Variants in CPNE8 observed in about 807,000 individuals in gnomAD.
The protein encoded by CPNE8 is copine-8.
CPNE8 carries 45 observed loss-of-function variants against 81.5 expected under a neutral mutation model. The ratio of observed to expected loss-of-function variants is 0.55; its 90% CI spans 0.44 to 0.71. The LOEUF (loss-of-function observed/expected upper bound fraction) is 0.71, where lower values mean the gene tolerates loss of function less well. CPNE8 is among the 30% of genes least tolerant of loss of function. The probability of loss-of-function intolerance (pLI) is 0.00; values close to 1 mark genes in which losing one functional copy is unlikely to be tolerated. For synonymous variants in CPNE8, 252 were observed against 226.3 expected (o/e 1.11, Z -1.02); for missense variants, 594 against 672.1 (o/e 0.88, Z 1.28).
intron 7 of CPNE8, among the ~76,000 whole-genome samples, chr12:38,775,523 GA>G (rs1243884174): frequency 6.6e-6 from 1 of 152,104 alleles, no homozygotes; most frequent in Non-Finnish European, 1.5e-5. Context: ...AATTCCCAGA[GA>G]TCTGCTGGCC....
chr12:38,717,116 AT>A (rs1436075467), intron 13 of CPNE8, among the ~76,000 whole-genome samples: 1 of 152,062 alleles, frequency 6.6e-6, no homozygotes, highest in Non-Finnish European at 1.5e-5. Flanking sequence ...AAGAACAGCC[AT>A]AATTAAAAAG....
chr12:38,742,223 A>T (rs1272569897), intron 10 of CPNE8, among the ~76,000 whole-genome samples: 1 of 152,178 alleles, frequency 6.6e-6, no homozygotes, highest in Non-Finnish European at 1.5e-5. Context: ...ACACATGCAC[A>T]TACATGTATG....
intron 6 of CPNE8, among the ~76,000 whole-genome samples, chr12:38,782,660 A>G (rs1320206329): frequency 6.6e-6 from 1 of 151,800 alleles, no homozygotes; most frequent in African/African-American, 2.4e-5. Context: ...GGAGTTCTGA[A>G]CTACATTTTT....
chr12:38,792,832 CA>C (rs377677353), intron 6 of CPNE8, among the ~76,000 whole-genome samples: 36 of 151,916 alleles, frequency 2.4e-4, no homozygotes, highest in African/African-American at 7.9e-4. Context: ...CAAAAATCCT[CA>C]ACAAAATACT....
intron 10 of CPNE8, among the ~76,000 whole-genome samples, chr12:38,754,820 A>AAT (rs1376537095): frequency 6.6e-6 from 1 of 152,154 alleles, no homozygotes. Flanking sequence ...AGTCTGAAAG[A>AAT]AGTGATACGT....
chr12:38,776,808 T>C (rs1255092040), intron 6 of CPNE8, among the ~76,000 whole-genome samples: 1 of 152,112 alleles, frequency 6.6e-6, no homozygotes, highest in East Asian at 1.9e-4. Flanking sequence ...CTGAAAACTT[T>C]CTACTGCCTA....
intron 16 of CPNE8, among the ~76,000 whole-genome samples, chr12:38,683,994 T>A (rs941837455): frequency 2.0e-5 from 3 of 152,068 alleles, no homozygotes; most frequent in Non-Finnish European, 2.9e-5. Context: ...CCAGAAAAAA[T>A]TATGAAATTA....
At chr12:38,763,221 C>T (rs1941608844) in intron 8 of CPNE8, among the ~76,000 whole-genome samples, 1 of 152,162 alleles carries the variant, frequency 6.6e-6, no homozygotes, top group South Asian at 2.1e-4. Context: ...AGGAGCTGCC[C>T]TTGAGAGGCC....
chr12:38,685,365 C>T, intron 16 of CPNE8, 125 bp downstream of exon 16: 2 of 976,750 alleles, frequency 2.0e-6, no homozygotes, highest in Non-Finnish European at 3.0e-6. Context: ...ACATTTTTTC[C>T]CCACTTTCTT....
chr12:38,778,849 T>A (rs1941988020), intron 6 of CPNE8, among the ~76,000 whole-genome samples: 1 of 152,208 alleles, frequency 6.6e-6, no homozygotes, highest in Non-Finnish European at 1.5e-5. Context: ...AAGTATGTAA[T>A]ATACAGTCAT....
intron 13 of CPNE8, among the ~76,000 whole-genome samples, chr12:38,703,122 T>A (rs978102217): frequency 6.6e-6 from 1 of 152,184 alleles, no homozygotes; most frequent in African/African-American, 2.4e-5. Context: ...TATAGTTACA[T>A]ATATTTATAG....
At position 38,889,224 on chromosome 12, in the gene CPNE8, C is replaced by T. The variant is rs141629048; in HGVS notation, c.99-14713G>A. Reference sequence around the variant, plus strand: ...TCCATTAAGGAGACAGATTTATAAACAAATATGTGCAGTGAAATGTGGAAT... The same window carrying T: ...TCCATTAAGGAGACAGATTTATAAATAAATATGTGCAGTGAAATGTGGAAT... On this transcript the variant is annotated intron_variant, in intron 1 of 19. Transcript: ENST00000331366. 2.7e-3 allele frequency among the ~76,000 whole-genome samples: 406 copies of T among 151,604 alleles called. 1 individual carries two copies. The highest frequency in any genetic ancestry group is 4.4e-3 in the Non-Finnish European group (297 of 67,930).
At chr12:38,839,290 T>A (rs138102024) in intron 5 of CPNE8, among the ~76,000 whole-genome samples, 13 of 152,210 alleles carry the variant, frequency 8.5e-5, no homozygotes, top group Middle Eastern at 3.4e-3. Flanking sequence ...TGTCTAGCTC[T>A]GATGCCCAAC....
intron 4 of CPNE8, among the ~76,000 whole-genome samples, chr12:38,840,197 T>A (rs1184985709): frequency 6.6e-6 from 1 of 152,166 alleles, no homozygotes; most frequent in East Asian, 1.9e-4. Context: ...TTCTCAATAA[T>A]CAATTCTACT....
At chr12:38,871,196 G>C (rs1943987027) in intron 3 of CPNE8, among the ~76,000 whole-genome samples, 1 of 152,162 alleles carries the variant, frequency 6.6e-6, no homozygotes, top group African/African-American at 2.4e-5. Flanking sequence ...TTAACTCCCA[G>C]AACCCTGGTT....
intron 3 of CPNE8, among the ~76,000 whole-genome samples, chr12:38,872,552 C>A (rs1565656767): frequency 6.6e-6 from 1 of 152,170 alleles, no homozygotes; most frequent in Non-Finnish European, 1.5e-5. Context: ...CTTCATTAAA[C>A]AACATACATT....
At chr12:38,696,787 G>A (rs1285640725) in intron 14 of CPNE8, among the ~76,000 whole-genome samples, 1 of 152,208 alleles carries the variant, frequency 6.6e-6, no homozygotes, top group Admixed American at 6.5e-5. Context: ...GCTCATGCCT[G>A]TAATCCCAGC....
chr12:38,807,048 T>G (rs1333010100), intron 6 of CPNE8, among the ~76,000 whole-genome samples: 1 of 152,094 alleles, frequency 6.6e-6, no homozygotes, highest in South Asian at 2.1e-4. Flanking sequence ...TTACAAGGGA[T>G]GTGAAGGACC....
At chr12:38,851,038 G>A (rs1428921003) in intron 3 of CPNE8, among the ~76,000 whole-genome samples, 2 of 152,176 alleles carry the variant, frequency 1.3e-5, no homozygotes, top group East Asian at 1.9e-4. Flanking sequence ...TTGCCCTTCC[G>A]TCTTCCACCA....
Sources: gnomAD v4.1 joint callset for allele counts (sites outside exome capture counted in the v4.1 genomes callset) on GRCh38, gnomAD v4.1.1 for gene constraint, MANE v1.5 for transcripts, NCBI Gene and HGNC (gene_info 2026-07-23, HGNC 2026-07-21) for gene names.